GABRA3: variants seen among roughly 807,000 people sequenced by gnomAD.
GABRA3 encodes gamma-aminobutyric acid receptor subunit alpha-3.
GABRA3 carries 10 observed loss-of-function variants against 30.1 expected under a neutral mutation model. The observed-to-expected ratio is 0.33, with a 90% CI of 0.20 to 0.56. The LOEUF is 0.56. GABRA3 is among the 20% of genes least tolerant of loss of function. GABRA3 has a pLI of 0.89. For synonymous variants in GABRA3, 151 were observed against 146.8 expected (o/e 1.03, Z -0.21); for missense variants, 233 against 392.0 (o/e 0.59, Z 3.42).
At chrX:152,212,604 G>T (rs1352657686) in intron 6 of GABRA3, among the ~76,000 whole-genome samples, 2 of 111,259 alleles carry the variant, frequency 1.8e-5, no homozygotes, top group Non-Finnish European at 3.8e-5. Context: ...GTATTTAAAA[G>T]GTCATCACAA....
chrX:152,359,931 C>A (rs986234521), intron 2 of GABRA3, among the ~76,000 whole-genome samples: 10 of 110,446 alleles, frequency 9.1e-5, no homozygotes, highest in African/African-American at 3.3e-4. Flanking sequence ...GTTTCTAATT[C>A]TTGCGATAGT....
At chrX:152,359,324 G>C (rs1928413696) in intron 2 of GABRA3, among the ~76,000 whole-genome samples, 1 of 110,309 alleles carries the variant, frequency 9.1e-6, no homozygotes, top group African/African-American at 3.3e-5. Flanking sequence ...ATTTCTTCTA[G>C]GTTTTCTAGT....
chrX:152,446,413 A>C (rs956225981), intron 1 of GABRA3, among the ~76,000 whole-genome samples: 1 of 111,253 alleles, frequency 9.0e-6, no homozygotes, highest in Non-Finnish European at 1.9e-5. Context: ...AGTAAATGTT[A>C]TGTATGCAAG....
rs767428808 is a variant in GABRA3 at position 152,224,728 on chromosome X, A to T, written c.634+35T>A. The T allele has an allele frequency of 2.9e-6, 3 of 1,029,190 alleles. No homozygotes were observed. The Admixed American group carries it at 7.7e-5, about 26-fold the overall frequency. 84.8% of individuals were successfully genotyped at this position (1,029,190 alleles called of 1,213,427 possible). A position where few individuals can be genotyped will look rare whatever the true frequency, so the allele number is the denominator to read the frequency against. On this transcript the variant is annotated intron_variant, in intron 6 of 9. Coordinates refer to ENST00000370314, the MANE Select transcript of GABRA3 (RefSeq NM_000808.4). ...AGTTTCTTTTGGAAGATCAGGCAAA[A>T]AAAAAAGACAGAGAGAGAGAGAGAA...
rs759874460 is a variant in GABRA3, at chrX:152,282,065, A to G, written c.330+2603T>C. Reference sequence around the variant, plus strand: ...CATGGAGCTTTTGTCAAAAAAGCTGAGAAGCTGTGTCTGTAAGGGCCAGTG... The same window carrying G: ...CATGGAGCTTTTGTCAAAAAAGCTGGGAAGCTGTGTCTGTAAGGGCCAGTG... On this transcript the variant is annotated intron_variant, in intron 4 of 9. Transcript: ENST00000370314. Among the ~76,000 whole-genome samples the G allele has an allele frequency of 8.0e-5, 9 of 112,406 alleles. No individual in the cohort carries two copies. In the East Asian group the frequency reaches 1.7e-3, roughly 21 times the overall value.
intron 3 of GABRA3, among the ~76,000 whole-genome samples, chrX:152,305,436 T>A (rs1465623473): frequency 2.7e-5 from 3 of 109,110 alleles, no homozygotes; most frequent in South Asian, 3.9e-4. Context: ...AAAAAAAAAA[T>A]TATTGTCCCA....
chrX:152,373,707 C>T (rs1464943948), intron 1 of GABRA3, among the ~76,000 whole-genome samples: 1 of 110,638 alleles, frequency 9.0e-6, no homozygotes, highest in Non-Finnish European at 1.9e-5. Flanking sequence ...ATACATGTGT[C>T]GTGTTGGTTT....
At chrX:152,359,470 TG>T (rs1365498867) in intron 2 of GABRA3, among the ~76,000 whole-genome samples, 4 of 111,583 alleles carry the variant, frequency 3.6e-5, no homozygotes, top group Non-Finnish European at 7.5e-5. Context: ...GAATAACTAG[TG>T]GTCTATCCAT....
At chrX:152,190,077 T>C (rs1009449762) in intron 8 of GABRA3, 136 bp from the exon 9 acceptor site, 1 of 458,257 alleles carries the variant, frequency 2.2e-6, no homozygotes. Context: ...AATAAAATTT[T>C]AAAAAAACAC....
intron 5 of GABRA3, among the ~76,000 whole-genome samples, chrX:152,240,815 G>A (rs777232159): frequency 9.4e-5 from 9 of 95,937 alleles, no homozygotes; most frequent in Non-Finnish European, 1.6e-4. Flanking sequence ...CATTCTTCAC[G>A]TAGTTCTCGA....
chrX:152,429,878 T>G (rs991113781), intron 1 of GABRA3, among the ~76,000 whole-genome samples: 1 of 112,114 alleles, frequency 8.9e-6, no homozygotes, highest in Non-Finnish European at 1.9e-5. Flanking sequence ...CTGCTTAACC[T>G]AACCTGAGTG....
chrX:152,225,144 G>A (rs768473578), intron 5 of GABRA3, among the ~76,000 whole-genome samples: 253 of 109,541 alleles, frequency 2.3e-3, no homozygotes, highest in African/African-American at 8.1e-3. Flanking sequence ...CCCCCAAGAA[G>A]CCTGGAAACA....
At chrX:152,341,329 C>T (rs1940308986) in intron 3 of GABRA3, among the ~76,000 whole-genome samples, 1 of 110,700 alleles carries the variant, frequency 9.0e-6, no homozygotes, top group South Asian at 3.8e-4. Context: ...AATTGGGCTG[C>T]AACAAACATA....
intron 8 of GABRA3, among the ~76,000 whole-genome samples, chrX:152,194,424 TA>T (rs1407179192): frequency 1.4e-4 from 14 of 100,144 alleles, no homozygotes; most frequent in African/African-American, 3.2e-4. Context: ...TATTTCAAAA[TA>T]TTTTTTTAGG....
At chrX:152,239,082 T>A (rs1167761110) in intron 5 of GABRA3, among the ~76,000 whole-genome samples, 1 of 104,266 alleles carries the variant, frequency 9.6e-6, no homozygotes, top group African/African-American at 3.5e-5. Flanking sequence ...TTAATTGTGA[T>A]GTTAGGGTGT....
Position 152,168,538 on chromosome X carries a change from T to C in GABRA3, c.1169A>G (p.Lys390Arg), listed in dbSNP as rs113946692. ...GATGTTGAAGGTAGTGCTGGTTTTCTTTGCTGGGGCTGCTGGTGTTTTCTT... is the reference window on the plus strand; with the variant it reads ...GATGTTGAAGGTAGTGCTGGTTTTCCTTGCTGGGGCTGCTGGTGTTTTCTT... ...MKKKTPAAPA[K>R]KTSTTFNIVG... The change falls in exon 10 of 10, where the codon AAG becomes AGG. Residue 390 changes from lysine to arginine, a missense_variant. Around this residue, in one of 6 missense-constraint regions of GABRA3, gnomAD observed 66 missense variants for 57.1 expected, o/e 1.16. Transcript: ENST00000370314. 1 of 1,209,038 alleles carries C rather than the reference T, an allele frequency of 8.3e-7. No individual in the cohort carries two copies. Among genetic ancestry groups the C allele is most frequent in the Non-Finnish European group, 1.1e-6 (1 of 893,264 alleles).
chrX:152,282,757 C>T (rs1939221584), intron 4 of GABRA3, among the ~76,000 whole-genome samples: 2 of 111,734 alleles, frequency 1.8e-5, no homozygotes, highest in South Asian at 7.5e-4. Flanking sequence ...TGTGTGTGTC[C>T]TTCTCTGGTA....
chrX:152,200,839 T>G (rs949729442), intron 7 of GABRA3, among the ~76,000 whole-genome samples: 1 of 112,638 alleles, frequency 8.9e-6, no homozygotes. Flanking sequence ...AATAACTGAC[T>G]CAAAATGGTT....
intron 1 of GABRA3, among the ~76,000 whole-genome samples, chrX:152,393,911 T>C (rs1345221369): frequency 2.7e-5 from 3 of 111,655 alleles, no homozygotes; most frequent in African/African-American, 9.8e-5. Flanking sequence ...ACTTATATAA[T>C]GATGCTTTAA....
Sources: gnomAD v4.1 joint callset for allele counts (sites outside exome capture counted in the v4.1 genomes callset) on GRCh38, gnomAD v4.1.1 for gene constraint, gnomAD v4.1.1 regional missense constraint, MANE v1.5 for transcripts, NCBI Gene and HGNC (gene_info 2026-07-23, HGNC 2026-07-21) for gene names.